CACNA1C: variants seen among roughly 807,000 people sequenced by gnomAD.
CACNA1C encodes the protein calcium voltage-gated channel subunit alpha1 C.
Under a neutral mutation model 229.0 loss-of-function variants are expected in CACNA1C, and 30 were observed. The ratio of observed to expected loss-of-function variants is 0.13; its 90% CI spans 0.10 to 0.18. The LOEUF (loss-of-function observed/expected upper bound fraction) is 0.18, where lower values mean the gene tolerates loss of function less well. Ranked by LOEUF, CACNA1C falls within the 10% of genes least tolerant of loss-of-function variation. The probability of loss-of-function intolerance (pLI) is 1.00; values close to 1 mark genes in which losing one functional copy is unlikely to be tolerated. For missense variants in CACNA1C, 1,658 were observed against 2,845.0 expected, an observed-to-expected ratio of 0.58 and a Z score of 9.49; for synonymous variants, 1,114 against 1,132.5, an observed-to-expected ratio of 0.98 and a Z score of 0.33.
At chr12:2,561,954 A>G (rs1313136393) in intron 11 of CACNA1C, among the ~76,000 whole-genome samples, 3 of 152,238 alleles carry the variant, frequency 2.0e-5, no homozygotes, top group Non-Finnish European at 2.9e-5. Context: ...ATAAACCATT[A>G]CATTTATTAT....
At chr12:2,448,424 G>C (rs148977453) in intron 3 of CACNA1C, among the ~76,000 whole-genome samples, 2 of 152,178 alleles carry the variant, frequency 1.3e-5, no homozygotes, top group Non-Finnish European at 2.9e-5. Context: ...GGTTGCCTCT[G>C]TCTGGGCTGC....
intron 10 of CACNA1C, chr12:2,550,575 G>A (rs1336834114): frequency 2.2e-6 from 3 of 1,351,668 alleles, no homozygotes; most frequent in Admixed American, 3.8e-5. Flanking sequence ...GGAGCCTGCT[G>A]TTCTGTTGCC....
chr12:2,021,624 G>A (rs1263256733), intron 1 of CACNA1C, among the ~76,000 whole-genome samples: 1 of 151,694 alleles, frequency 6.6e-6, no homozygotes, highest in Non-Finnish European at 1.5e-5. Context: ...AGGTTGCAGT[G>A]AGCTGAGATC....
At chr12:2,228,462 T>C (rs1566533606) in intron 3 of CACNA1C, among the ~76,000 whole-genome samples, 1 of 152,230 alleles carries the variant, frequency 6.6e-6, no homozygotes, top group Non-Finnish European at 1.5e-5. Context: ...TCTCCAAGCC[T>C]GAGTTGGCAA....
Position 2,633,750 on chromosome 12 carries a change from TTCC to T in CACNA1C, c.3829-538_3829-536del, listed in dbSNP as rs112850866. ...CTGCCCTCCCCAGGAAACCTCCTCATTCCTCCTCCTCTGCCTCGTCTATTTCTC... is the reference window on the plus strand; with the variant it reads ...CTGCCCTCCCCAGGAAACCTCCTCATTCCTCCTCTGCCTCGTCTATTTCTC... On this transcript the variant is annotated intron_variant, in intron 29 of 46. Coordinates refer to ENST00000399655, the MANE Select transcript of CACNA1C (RefSeq NM_000719.7). The surrounding 1 kb of genome is among the most constrained non-coding windows in gnomAD (Gnocchi z 5.8). The T allele has an allele frequency of 1.3e-4, 138 of 1,047,904 alleles. 2 individuals carry two copies. The South Asian group carries it at 1.6e-3, about 12-fold the overall frequency. 64.9% of individuals were successfully genotyped at this position (1,047,904 alleles called of 1,614,324 possible).
intron 29 of CACNA1C, among the ~76,000 whole-genome samples, chr12:2,627,697 A>G (rs216019): frequency 0.99 from 151,262 of 152,180 alleles, 75,180 homozygotes; most frequent in Middle Eastern, 1. Flanking sequence ...CCTCAGCGCC[A>G]CCCCACCGTG....
At chr12:2,270,252 G>A (rs1372410179) in intron 3 of CACNA1C, among the ~76,000 whole-genome samples, 3 of 152,216 alleles carry the variant, frequency 2.0e-5, no homozygotes, top group Non-Finnish European at 4.4e-5. Context: ...CCATCGTCAA[G>A]ACTAGTGTGT....
At chr12:2,423,177 T>C (rs545483161) in intron 3 of CACNA1C, among the ~76,000 whole-genome samples, 259 of 152,004 alleles carry the variant, frequency 1.7e-3, no homozygotes, top group Middle Eastern at 3.4e-3. Flanking sequence ...CCCTCTCTGC[T>C]CCAGAGTGAA....
chr12:2,469,383 A>G (rs1008255012), intron 5 of CACNA1C, among the ~76,000 whole-genome samples: 5 of 152,208 alleles, frequency 3.3e-5, no homozygotes, highest in African/African-American at 7.2e-5. Context: ...TTCTTCATCT[A>G]TGCCGCATTG....
At chr12:2,415,194 T>C (rs952369578) in intron 3 of CACNA1C, among the ~76,000 whole-genome samples, 1 of 152,230 alleles carries the variant, frequency 6.6e-6, no homozygotes, top group Non-Finnish European at 1.5e-5. Context: ...TATTTGCCTT[T>C]TTATTCTCCT....
intron 3 of CACNA1C, among the ~76,000 whole-genome samples, chr12:2,297,997 A>G (rs1272204490): frequency 6.6e-6 from 1 of 152,198 alleles, no homozygotes; most frequent in Non-Finnish European, 1.5e-5. Context: ...TCTTCCCAAA[A>G]TAGACTTCTG....
At chr12:2,083,588 T>G (rs1046875416) in intron 1 of CACNA1C, among the ~76,000 whole-genome samples, 2 of 152,208 alleles carry the variant, frequency 1.3e-5, no homozygotes, top group Non-Finnish European at 2.9e-5. Context: ...AGCTGTAGAT[T>G]GGTGATATTT....
chr12:2,004,663 C>T, intron 1 of CACNA1C: 1 of 570,954 alleles, frequency 1.8e-6, no homozygotes, highest in African/African-American at 1.9e-5. Flanking sequence ...CAAGCCCAGG[C>T]CTGCCCTCTG....
chr12:1,984,778 T>TA (rs764705302), intron 1 of CACNA1C, among the ~76,000 whole-genome samples: 9,511 of 81,196 alleles, frequency 0.12, 602 homozygotes, highest in African/African-American at 0.14. Flanking sequence ...GGTCTTCTGG[T>TA]AAAAAAAAAA....
chr12:2,669,201 C>G (rs1336472298), intron 38 of CACNA1C, among the ~76,000 whole-genome samples, 166 bp downstream of exon 38: 2 of 152,168 alleles, frequency 1.3e-5, no homozygotes, highest in Non-Finnish European at 2.9e-5. Flanking sequence ...GGGCCCCAGC[C>G]TGCTCATGAC....
At chr12:2,456,348 A>G (rs551635662) in intron 4 of CACNA1C, among the ~76,000 whole-genome samples, 1 of 152,312 alleles carries the variant, frequency 6.6e-6, no homozygotes, top group East Asian at 1.9e-4. Flanking sequence ...CTCGCCCCCG[A>G]CAGGGGAGTC....
intron 21 of CACNA1C, among the ~76,000 whole-genome samples, chr12:2,599,051 G>C (rs2070382291): frequency 1.3e-5 from 2 of 152,150 alleles, no homozygotes; most frequent in Admixed American, 1.3e-4. Flanking sequence ...TTCTTTCCCA[G>C]GACAAGAGAC....
At chr12:1,989,170 G>A (rs1314336609) in intron 1 of CACNA1C, among the ~76,000 whole-genome samples, 2 of 152,134 alleles carry the variant, frequency 1.3e-5, no homozygotes, top group African/African-American at 4.8e-5. Context: ...GATCACTTGA[G>A]GCCAGGAATT....
intron 7 of CACNA1C, among the ~76,000 whole-genome samples, chr12:2,499,918 T>C (rs10848665): frequency 0.19 from 28,233 of 152,126 alleles, 3,311 homozygotes; most frequent in Middle Eastern, 0.29. Context: ...GCCACCCAGC[T>C]TTGTGTGCTC....
Sources: gnomAD v4.1 joint callset for allele counts (sites outside exome capture counted in the v4.1 genomes callset) on GRCh38, gnomAD v4.1.1 for gene constraint, Gnocchi (gnomAD v3.1) non-coding constraint, MANE v1.5 for transcripts, NCBI Gene and HGNC (gene_info 2026-07-23, HGNC 2026-07-21) for gene names.